PCDHGB2: variants seen among roughly 807,000 people sequenced by gnomAD.
PCDHGB2 encodes the protein protocadherin gamma subfamily B, 2.
PCDHGB2 carries 55 observed loss-of-function variants against 59.3 expected under a neutral mutation model. The ratio of observed to expected loss-of-function variants is 0.93; its 90% CI spans 0.75 to 1.16. PCDHGB2 has a LOEUF of 1.16. Among genes scored for constraint, PCDHGB2 ranks in the 50% most tolerant of loss-of-function variants. The probability of loss-of-function intolerance (pLI) is 0.00; values close to 1 mark genes in which losing one functional copy is unlikely to be tolerated. For synonymous variants in PCDHGB2, 516 were observed against 512.0 expected (o/e 1.01, Z -0.11); for missense variants, 1,228 against 1,198.5 (o/e 1.02, Z -0.36).
intron 1 of PCDHGB2, chr5:141,370,600 T>C: frequency 6.2e-7 from 1 of 1,613,984 alleles, no homozygotes; most frequent in East Asian, 2.2e-5. Flanking sequence ...CTGCGGGTTA[T>C]TGCAGAGAAG....
intron 1 of PCDHGB2, chr5:141,427,791 G>T (rs763294539): frequency 1.3e-6 from 2 of 1,488,082 alleles, no homozygotes; most frequent in South Asian, 1.1e-5. Context: ...GTCGTCCTAC[G>T]TGTCCGTGAG....
chr5:141,410,333 A>G lies in PCDHGB2; in HGVS notation c.2421+47777A>G, dbSNP rs774436706. 4.7e-5 allele frequency: 76 copies of G among 1,613,666 alleles called. No individual in the cohort carries two copies. Among genetic ancestry groups the G allele is most frequent in the Non-Finnish European group, 4.0e-5 (47 of 1,179,884 alleles). ...CTTCCTCCTCGCCGTGATTCTGGCC[A>G]TTGCCTTGCGCCTGCGACGCTCTCT... On this transcript the variant is annotated intron_variant, in intron 1 of 3. Transcript: ENST00000522605.
intron 1 of PCDHGB2, chr5:141,385,119 T>C: frequency 1.2e-6 from 2 of 1,614,212 alleles, no homozygotes; most frequent in South Asian, 2.2e-5. Flanking sequence ...CCTCGCACTT[T>C]GTGGGCATGG....
intron 1 of PCDHGB2, chr5:141,418,282 A>G (rs1209026046): frequency 6.2e-7 from 1 of 1,614,030 alleles, no homozygotes; most frequent in Admixed American, 1.7e-5. Flanking sequence ...TAAACTTAGA[A>G]ATCAGTGAAT....
chr5:141,477,639 G>T lies in PCDHGB2; in HGVS notation c.2422-17168G>T, dbSNP rs2099414883. ...GGAGCTGAAACCGGGCTAGTGGGTCGCTATTTCACAATAAATCGTGACAAT... is the reference window on the plus strand; with the variant it reads ...GGAGCTGAAACCGGGCTAGTGGGTCTCTATTTCACAATAAATCGTGACAAT... On this transcript the variant is annotated intron_variant, in intron 1 of 3. Transcript: ENST00000522605. The surrounding 1 kb of genome is among the most constrained non-coding windows in gnomAD (Gnocchi z 4.9). 3.1e-6 allele frequency: 5 copies of T among 1,614,004 alleles called. No homozygotes were observed. Among genetic ancestry groups the T allele is most frequent in the Non-Finnish European group, 4.2e-6 (5 of 1,180,034 alleles).
intron 1 of PCDHGB2, among the ~76,000 whole-genome samples, chr5:141,405,721 A>G (rs1295046106): frequency 1.3e-5 from 2 of 151,702 alleles, no homozygotes; most frequent in African/African-American, 4.8e-5. Context: ...CAAGTGATCC[A>G]CCCACCTCAG....
At chr5:141,423,139 G>T (rs2096713828) in intron 1 of PCDHGB2, 4 of 1,613,498 alleles carry the variant, frequency 2.5e-6, no homozygotes, top group Non-Finnish European at 3.4e-6. Flanking sequence ...GGACAGAGAC[G>T]CGCTCAAGCA....
At chr5:141,421,089 T>A (rs1047424267) in intron 1 of PCDHGB2, 25 of 661,836 alleles carry the variant, frequency 3.8e-5, no homozygotes, top group Middle Eastern at 4.1e-4. Context: ...TCACAGATCC[T>A]GACACTGGAG....
chr5:141,454,894 G>A (rs1371368633), intron 1 of PCDHGB2, among the ~76,000 whole-genome samples: 2 of 126,736 alleles, frequency 1.6e-5, no homozygotes, highest in Non-Finnish European at 3.1e-5. Context: ...TGCTAGCACC[G>A]CCTCCCGGGT....
At chr5:141,450,445 T>C (rs1490338949) in intron 1 of PCDHGB2, among the ~76,000 whole-genome samples, 1 of 152,168 alleles carries the variant, frequency 6.6e-6, no homozygotes, top group East Asian at 1.9e-4. Context: ...ATTTGTTTTA[T>C]GTTTCCTCGT....
intron 1 of PCDHGB2, chr5:141,365,242 A>G (rs536146431): frequency 6.2e-7 from 1 of 1,613,960 alleles, no homozygotes; most frequent in Admixed American, 1.7e-5. Flanking sequence ...TCTCAACTCT[A>G]CAATCACTGG....
chr5:141,497,125 G>A (rs968031174), intron 2 of PCDHGB2, among the ~76,000 whole-genome samples: 1 of 152,094 alleles, frequency 6.6e-6, no homozygotes, highest in South Asian at 2.1e-4. Context: ...GGCAGAGGTT[G>A]CAGTGAGCTG....
intron 1 of PCDHGB2, chr5:141,421,970 A>G (rs2096615419): frequency 1.2e-6 from 2 of 1,610,810 alleles, no homozygotes; most frequent in Non-Finnish European, 1.7e-6. Context: ...CAGTCCGTAT[A>G]TCGCGTGAGT....
chr5:141,415,167 C>T (rs769256903), intron 1 of PCDHGB2: 3 of 1,613,894 alleles, frequency 1.9e-6, no homozygotes, highest in Admixed American at 3.3e-5. Flanking sequence ...CTGTCACGCT[C>T]ACCGTGGCCG....
In PCDHGB2 at chr5:141,477,442, A is replaced by G; in HGVS notation, c.2422-17365A>G. The G allele has an allele frequency of 6.2e-7, 1 of 1,614,132 alleles. No individual in the cohort carries two copies. Among genetic ancestry groups the G allele is most frequent in the Non-Finnish European group, 8.5e-7 (1 of 1,180,022 alleles). ...CCCCTTCCCTCTCAGCCCTTACAAT[A>G]GTGCGTGTTCAAGTGTCCGACATCA... On this transcript the variant is annotated intron_variant, in intron 1 of 3. Coordinates refer to ENST00000522605, the MANE Select transcript of PCDHGB2 (RefSeq NM_018923.3). This position sits in a 1 kb window ranked among gnomAD's most constrained non-coding sequence, Gnocchi z 4.9.
At chr5:141,459,984 A>G (rs906041823) in intron 1 of PCDHGB2, among the ~76,000 whole-genome samples, 4 of 152,216 alleles carry the variant, frequency 2.6e-5, no homozygotes, top group Non-Finnish European at 5.9e-5. Flanking sequence ...AGGCTGAGAC[A>G]GGAGAATCGC....
intron 1 of PCDHGB2, chr5:141,399,117 A>C (rs370431268): frequency 6.2e-6 from 10 of 1,613,848 alleles, no homozygotes; most frequent in Non-Finnish European, 8.5e-6. Flanking sequence ...GTACAGTTGA[A>C]ATTAATATTC....
intron 1 of PCDHGB2, chr5:141,408,432 T>C (rs370073451): frequency 3.1e-6 from 5 of 1,613,972 alleles, no homozygotes; most frequent in Non-Finnish European, 4.2e-6. Flanking sequence ...CACTTCAGCG[T>C]AGACGCGGAG....
At position 141,477,781 on chromosome 5, in the gene PCDHGB2, A is replaced by G; in HGVS notation, c.2422-17026A>G. 6.2e-7 allele frequency: 1 copy of G among 1,614,036 alleles called. No homozygotes were observed. Among genetic ancestry groups the G allele is most frequent in the South Asian group, 1.1e-5 (1 of 91,090 alleles). Reference sequence around the variant, plus strand: ...TAGCCACCAACATCAGCGTGAACATATTTGTCACTGATCGCAATGACAATG... The same window carrying G: ...TAGCCACCAACATCAGCGTGAACATGTTTGTCACTGATCGCAATGACAATG... On this transcript the variant is annotated intron_variant, in intron 1 of 3. Coordinates refer to ENST00000522605, the MANE Select transcript of PCDHGB2 (RefSeq NM_018923.3). The surrounding 1 kb of genome is among the most constrained non-coding windows in gnomAD (Gnocchi z 4.9).
Sources: gnomAD v4.1 joint callset for allele counts (sites outside exome capture counted in the v4.1 genomes callset) on GRCh38, gnomAD v4.1.1 for gene constraint, Gnocchi (gnomAD v3.1) non-coding constraint, MANE v1.5 for transcripts, NCBI Gene and HGNC (gene_info 2026-07-23, HGNC 2026-07-21) for gene names.